Variants in FAM220A observed in about 807,000 individuals in gnomAD.
FAM220A encodes protein FAM220A.
For synonymous variants in FAM220A, 141 were observed against 130.7 expected, an observed-to-expected ratio of 1.08 and a Z score of -0.54; for missense variants, 392 against 321.6, an observed-to-expected ratio of 1.22 and a Z score of -1.68.
intron 1 of FAM220A, among the ~76,000 whole-genome samples, chr7:6,345,785 T>C (rs142362572): frequency 6.0e-4 from 91 of 152,144 alleles, no homozygotes; most frequent in African/African-American, 2.1e-3. Context: ...TATTATTTTT[T>C]TGAGACAGAG....
At chr7:6,340,045 C>A (rs1454017546) in intron 1 of FAM220A, among the ~76,000 whole-genome samples, 1 of 152,084 alleles carries the variant, frequency 6.6e-6, no homozygotes, top group African/African-American at 2.4e-5. Flanking sequence ...CCACCACACC[C>A]AGCTAATTTT....
At chr7:6,339,924 G>A (rs767127714) in intron 1 of FAM220A, among the ~76,000 whole-genome samples, 14 of 151,978 alleles carry the variant, frequency 9.2e-5, no homozygotes, top group Non-Finnish European at 1.3e-4. Flanking sequence ...TCACTCTGCC[G>A]CCCAGGCTGG....
chr7:6,336,802 G>C lies in FAM220A; in HGVS notation c.-81-5567C>G, dbSNP rs556298310. 4.0e-5 allele frequency among the ~76,000 whole-genome samples: 6 copies of C among 151,462 alleles called. 1 individual carries two copies. In the South Asian group the frequency reaches 1.0e-3, roughly 26 times the overall value. ...CCCAAGCAGCTGGAACCACAGGTGT[G>C]TGCCACCACATCCAGCTAATTTTTT... On this transcript the variant is annotated intron_variant, in intron 1 of 1. Transcript: ENST00000313324.
chr7:6,340,955 C>G lies in FAM220A; in HGVS notation c.-82+7618G>C, dbSNP rs1321065814. 3.7e-5 allele frequency among the ~76,000 whole-genome samples: 4 copies of G among 108,716 alleles called. No individual in the cohort carries two copies. The Admixed American group carries it at 4.7e-4, about 13-fold the overall frequency. 71.3% of individuals were successfully genotyped at this position (108,716 alleles called of 152,430 possible). A position where few individuals can be genotyped will look rare whatever the true frequency, so the allele number is the denominator to read the frequency against. Reference sequence around the variant, plus strand: ...TCATCCTGCCTAACATGGTGAAACCCTGTCTCTACTAAAAAAAAAAAAAAA... The same window carrying G: ...TCATCCTGCCTAACATGGTGAAACCGTGTCTCTACTAAAAAAAAAAAAAAA... On this transcript the variant is annotated intron_variant, in intron 1 of 1. Transcript: ENST00000313324.
rs1223883811 is a variant in FAM220A at position 6,337,073 on chromosome 7, C to CTTTTTTTTTTTT, written c.-81-5850_-81-5839dup. On this transcript the variant is annotated intron_variant, in intron 1 of 1. Coordinates refer to ENST00000313324, the MANE Select transcript of FAM220A (RefSeq NM_001037163.2). ...ATATGTTGAAATAGGTATTTTAATT[C>CTTTTTTTTTTTT]TTTTTTTTTTTTTGAGACAAGAGTC... 4.2e-3 allele frequency among the ~76,000 whole-genome samples: 610 copies of CTTTTTTTTTTTT among 144,808 alleles called. 3 individuals carry two copies. Among genetic ancestry groups the CTTTTTTTTTTTT allele is most frequent in the South Asian group, 0.01 (46 of 4,528 alleles). The allele number at this position is 144,808 out of a possible 152,430, so 95.0% of individuals were successfully genotyped here.
intron 1 of FAM220A, among the ~76,000 whole-genome samples, chr7:6,339,355 C>G (rs963818420): frequency 6.6e-6 from 1 of 151,978 alleles, no homozygotes; most frequent in Admixed American, 6.6e-5. Context: ...GTGGTCCCAG[C>G]TACTCAGGAG....
chr7:6,345,728 T>A (rs1781939696), intron 1 of FAM220A, among the ~76,000 whole-genome samples: 1 of 152,040 alleles, frequency 6.6e-6, no homozygotes, highest in African/African-American at 2.4e-5. Flanking sequence ...TGTTTTGCCC[T>A]CAAAGTTTCT....
chr7:6,334,067 C>A (rs915047354), intron 1 of FAM220A, among the ~76,000 whole-genome samples: 1 of 151,086 alleles, frequency 6.6e-6, no homozygotes, highest in African/African-American at 2.4e-5. Context: ...AGGATGGAAT[C>A]TATCTCCTGA....
intron 1 of FAM220A, among the ~76,000 whole-genome samples, chr7:6,344,428 G>T (rs1415233735): frequency 6.6e-6 from 1 of 152,144 alleles, no homozygotes; most frequent in African/African-American, 2.4e-5. Flanking sequence ...CTTCACACTT[G>T]TGTCTTTTTT....
At position 6,340,755 on chromosome 7, in the gene FAM220A, C is replaced by T. The variant is rs535687423; in HGVS notation, c.-82+7818G>A. Among the ~76,000 whole-genome samples the T allele has an allele frequency of 4.0e-3, 606 of 151,356 alleles. 3 individuals carry two copies. Among genetic ancestry groups the T allele is most frequent in the African/African-American group, 0.014 (571 of 41,262 alleles). On this transcript the variant is annotated intron_variant, in intron 1 of 1. Transcript: ENST00000313324. ...TCTACTAAAAATACAAAAAATTAGC[C>T]GGGCGTGGTGGTGGGCACCTATAGT...
chr7:6,343,201 G>A (rs1781896582), intron 1 of FAM220A, among the ~76,000 whole-genome samples: 1 of 150,514 alleles, frequency 6.6e-6, no homozygotes, highest in African/African-American at 2.4e-5. Flanking sequence ...ACATGGTGAA[G>A]CCCCGTCTCT....
rs1177357640 is a variant in FAM220A, at chr7:6,330,682, T to A, written c.473A>T (p.His158Leu). ...ACTTCCCATTTCCGGCACTTTTTGATGGCGTGGCAGTCGTGACACCCGAGG... is the reference window on the plus strand; with the variant it reads ...ACTTCCCATTTCCGGCACTTTTTGAAGGCGTGGCAGTCGTGACACCCGAGG... Reference protein sequence around the residue: ...GEPRVSRLPRHQKVPEMGSFQ... With the variant: ...GEPRVSRLPRLQKVPEMGSFQ... The change falls in exon 2 of 2, where the codon CAT becomes CTT. Residue 158 changes from histidine to leucine, a missense_variant. Transcript: ENST00000313324. 3 of 1,614,126 alleles carry A rather than the reference T, an allele frequency of 1.9e-6. No individual in the cohort carries two copies. The highest frequency in any genetic ancestry group is 2.5e-6 in the Non-Finnish European group (3 of 1,180,022).
chr7:6,340,267 G>A (rs1272655012), intron 1 of FAM220A, among the ~76,000 whole-genome samples: 3 of 152,108 alleles, frequency 2.0e-5, no homozygotes, highest in African/African-American at 7.2e-5. Context: ...AGCATCCTAA[G>A]GGCATCCCAG....
intron 1 of FAM220A, among the ~76,000 whole-genome samples, chr7:6,336,151 C>T (rs1781741759): frequency 7.3e-6 from 1 of 136,776 alleles, no homozygotes; most frequent in Admixed American, 7.6e-5. Flanking sequence ...CCAGCCTGGG[C>T]AACAGAGTGA....
rs779390225 is a variant in FAM220A, at chr7:6,331,217, A to C, written c.-63T>G. ...CCTTCGTCAGTCTGGGAGGGCCTTC[A>C]ATGGATCTCAATATGAACCTAGGAA... is the stretch of plus-strand genomic sequence containing the variant. On this transcript the variant is annotated 5_prime_UTR_variant, in exon 2 of 2. The change creates a new upstream start codon in the 5' untranslated region. Transcript: ENST00000313324. 2 of 1,479,086 alleles carry C rather than the reference A, an allele frequency of 1.4e-6. No individual in the cohort carries two copies. The highest frequency in any genetic ancestry group is 1.8e-6 in the Non-Finnish European group (2 of 1,093,668). 91.6% of individuals were successfully genotyped at this position (1,479,086 alleles called of 1,614,324 possible).
chr7:6,347,617 T>G (rs191108352), intron 1 of FAM220A, among the ~76,000 whole-genome samples: 14 of 152,270 alleles, frequency 9.2e-5, no homozygotes, highest in African/African-American at 2.6e-4. Context: ...TCCAGGCCTC[T>G]GAGACGTTTT....
At chr7:6,331,859 G>C (rs1781642904) in intron 1 of FAM220A, among the ~76,000 whole-genome samples, 1 of 149,936 alleles carries the variant, frequency 6.7e-6, no homozygotes, top group South Asian at 2.1e-4. Flanking sequence ...TCCTGCCTTA[G>C]CCTTTTGAGT....
At chr7:6,348,522 G>T (rs1781999045) in intron 1 of FAM220A, 51 bp downstream of exon 1, 1 of 413,086 alleles carries the variant, frequency 2.4e-6, no homozygotes, top group Admixed American at 4.3e-5. Flanking sequence ...TCCCGCGGGC[G>T]AGGCGGGCGC....
intron 1 of FAM220A, among the ~76,000 whole-genome samples, chr7:6,337,565 G>A (rs1053355965): frequency 6.6e-6 from 1 of 151,608 alleles, no homozygotes; most frequent in African/African-American, 2.4e-5. Flanking sequence ...TTGTGTTAAA[G>A]TACTTTAAAT....
Sources: allele counts gnomAD v4.1 joint callset (sites outside exome capture counted in the v4.1 genomes callset), GRCh38; gene constraint gnomAD v4.1.1; transcripts MANE v1.5; gene names NCBI Gene and HGNC (gene_info 2026-07-23, HGNC 2026-07-21).